The following PALM variants were observed in gnomAD, a reference collection of about 807,000 sequenced individuals.
The protein encoded by PALM is paralemmin.
A neutral mutation model predicts 30.7 loss-of-function variants in PALM; 18 were observed. The observed-to-expected ratio is 0.59, with a 90% confidence interval of 0.41 to 0.87. The LOEUF (loss-of-function observed/expected upper bound fraction) is 0.87, where lower values mean the gene tolerates loss of function less well. Ranked by LOEUF, PALM falls within the 40% of genes least tolerant of loss-of-function variation. The pLI is 0.00. For synonymous variants in PALM, 286 were observed against 242.8 expected (o/e 1.18, Z -1.66); for missense variants, 529 against 555.4 (o/e 0.95, Z 0.48).
intron 7 of PALM, among the ~76,000 whole-genome samples, chr19:739,239 C>T (rs1318622070): frequency 1.3e-5 from 2 of 151,846 alleles, no homozygotes; most frequent in African/African-American, 2.4e-5. Context: ...TAGATGACGG[C>T]GTGTCCAACC....
Position 719,539 on chromosome 19 carries a change from ACCCAGCACCTGCCCCGGGACC to A in PALM, c.6-6584_6-6564del, listed in dbSNP as rs904827364. 59 of 985,220 alleles carry A rather than the reference ACCCAGCACCTGCCCCGGGACC, an allele frequency of 6.0e-5. 1 individual carries two copies. The African/African-American group carries it at 8.4e-4, about 14-fold the overall frequency. 61.0% of individuals were successfully genotyped at this position (985,220 alleles called of 1,614,324 possible). ...TGCCGGGAGCCAGGGAGGCTCGGAGACCCAGCACCTGCCCCGGGACCCCCAGCACCTGCCCTGGGACCCCCA... is the reference window on the plus strand; with the variant it reads ...TGCCGGGAGCCAGGGAGGCTCGGAGACCCAGCACCTGCCCTGGGACCCCCA... On this transcript the variant is annotated intron_variant, in intron 1 of 8. Transcript: ENST00000338448.
intron 1 of PALM, among the ~76,000 whole-genome samples, chr19:712,182 C>T (rs187828373): frequency 6.6e-6 from 1 of 152,012 alleles, no homozygotes; most frequent in East Asian, 1.9e-4. Context: ...GCCACCACGC[C>T]CGGCTAATTT....
At position 746,398 on chromosome 19, in the gene PALM, A is replaced by T. The variant is rs948769807; in HGVS notation, c.748A>T (p.Thr250Ser). 8 of 1,612,650 alleles carry T rather than the reference A, an allele frequency of 5.0e-6. No individual in the cohort carries two copies. In the African/African-American group the frequency reaches 9.3e-5, roughly 19 times the overall value. ...GGTCACGCTGAGCGAGGCAGGGTCC[A>T]CGGCCGGGGCGGCAGAGACCCGGGG... is the stretch of plus-strand genomic sequence containing the variant. ...DEVTLSEAGS[T>S]AGAAETRGAV... Residue 250 changes from threonine (T) to serine (S), a missense_variant, in exon 9 of 9, where the codon ACG becomes TCG. Transcript: ENST00000338448. This position sits in a 1 kb window ranked among gnomAD's most constrained non-coding sequence, Gnocchi z 7.1.
intron 7 of PALM, 21 bp downstream of exon 7, chr19:736,099 TG>T: frequency 6.8e-7 from 1 of 1,479,656 alleles, no homozygotes; most frequent in East Asian, 2.9e-5. Context: ...CCCCAGGCTC[TG>T]GGCCCCAGAT....
rs943704974 is a variant in PALM, at chr19:746,157, C to G, written c.635-128C>G. On this transcript the variant is annotated intron_variant, in intron 8 of 8. Coordinates refer to ENST00000338448, the MANE Select transcript of PALM (RefSeq NM_002579.3). This position sits in a 1 kb window ranked among gnomAD's most constrained non-coding sequence, Gnocchi z 7.1. ...TCAGTTCTGACGGTGTAATCTAGTTCGTGATTTCCTCTTTAGCCTGGAGGA... is the reference window on the plus strand; with the variant it reads ...TCAGTTCTGACGGTGTAATCTAGTTGGTGATTTCCTCTTTAGCCTGGAGGA... 15 of 674,832 alleles carry G rather than the reference C, an allele frequency of 2.2e-5. No homozygotes were observed. The highest frequency in any genetic ancestry group is 3.6e-5 in the Non-Finnish European group (14 of 391,084). 41.8% of individuals were successfully genotyped at this position (674,832 alleles called of 1,614,324 possible). A position where few individuals can be genotyped will look rare whatever the true frequency, so the allele number is the denominator to read the frequency against.
At chr19:729,698 C>T (rs2032810828) in intron 4 of PALM, among the ~76,000 whole-genome samples, 2 of 151,888 alleles carry the variant, frequency 1.3e-5, no homozygotes, top group South Asian at 4.2e-4. Flanking sequence ...CCAACCTCAG[C>T]TGATCCGCCC....
intron 4 of PALM, among the ~76,000 whole-genome samples, chr19:728,113 G>A (rs2032749819): frequency 6.6e-6 from 1 of 152,198 alleles, no homozygotes. Context: ...CAGCTGGCGG[G>A]CAAGCGCTCC....
chr19:744,991 C>G (rs930061980), intron 8 of PALM, among the ~76,000 whole-genome samples: 1 of 151,450 alleles, frequency 6.6e-6, no homozygotes, highest in Non-Finnish European at 1.5e-5. Context: ...ACCAGACTGG[C>G]CAACGTGGTG....
chr19:738,793 G>A (rs62131305), intron 7 of PALM, among the ~76,000 whole-genome samples: 16,839 of 152,182 alleles, frequency 0.11, 1,095 homozygotes, highest in East Asian at 0.21. Flanking sequence ...GGAGGGAAAC[G>A]AGGTGGCTAT....
chr19:720,223 C>G lies in PALM; in HGVS notation c.6-5915C>G, dbSNP rs868488352. On this transcript the variant is annotated intron_variant, in intron 1 of 8. Transcript: ENST00000338448. ...GCCGGCCCCACCCCCGCGCGCCGGG[C>G]CTCGGCGTTGCCATGGGGACGGCGC... Among the ~76,000 whole-genome samples the G allele has an allele frequency of 5.2e-3, 788 of 152,040 alleles. 10 individuals are homozygous for G. The highest frequency in any genetic ancestry group is 0.018 in the African/African-American group (755 of 41,528).
chr19:727,118 G>A (rs1373585081), intron 3 of PALM, 30 bp downstream of exon 3: 2 of 1,451,236 alleles, frequency 1.4e-6, no homozygotes, highest in African/African-American at 2.8e-5. Context: ...CCAGGGTCAG[G>A]GAGTGCAGGC....
At chr19:731,055 G>T (rs10405821) in intron 4 of PALM, 40 bp from the exon 5 acceptor site, 10 of 1,408,778 alleles carry the variant, frequency 7.1e-6, no homozygotes, top group East Asian at 4.9e-5. Flanking sequence ...GCCCCACCGG[G>T]GATGCAGGAG....
At chr19:739,921 C>G (rs1022207253) in intron 7 of PALM, among the ~76,000 whole-genome samples, 1 of 152,146 alleles carries the variant, frequency 6.6e-6, no homozygotes, top group Non-Finnish European at 1.5e-5. Flanking sequence ...CCAGATCACA[C>G]CACTGTGCTC....
chr19:710,947 C>T (rs2032057915), intron 1 of PALM, among the ~76,000 whole-genome samples: 1 of 152,220 alleles, frequency 6.6e-6, no homozygotes, highest in Middle Eastern at 3.2e-3. Context: ...TTCTCCCCGG[C>T]GGGCTTCAGG....
At chr19:710,847 G>T (rs114029141) in intron 1 of PALM, among the ~76,000 whole-genome samples, 15,320 of 152,258 alleles carry the variant, frequency 0.1, 870 homozygotes, top group Non-Finnish European at 0.13. Flanking sequence ...CGCCATTCGA[G>T]GACGACTCTC....
At chr19:745,888 G>A (rs1277805353) in intron 8 of PALM, among the ~76,000 whole-genome samples, 1 of 151,560 alleles carries the variant, frequency 6.6e-6, no homozygotes, top group African/African-American at 2.4e-5. Context: ...GAGAAACCCC[G>A]TCTCTACTAA....
chr19:722,381 TTTA>T (rs1441538581), intron 1 of PALM: 3 of 151,926 alleles, frequency 2.0e-5, no homozygotes, highest in African/African-American at 7.3e-5. Flanking sequence ...CACCTGGCTT[TTTA>T]TTTATTTAGT....
intron 4 of PALM, among the ~76,000 whole-genome samples, chr19:728,530 G>T (rs1203597482): frequency 6.6e-6 from 1 of 152,180 alleles, no homozygotes; most frequent in African/African-American, 2.4e-5. Flanking sequence ...TGGACAGGCC[G>T]GGTGCGGTGG....
chr19:726,944 T>A (rs1029590740), intron 2 of PALM, 64 bp from the exon 3 acceptor site: 25 of 861,708 alleles, frequency 2.9e-5, no homozygotes, highest in Non-Finnish European at 3.8e-5. Flanking sequence ...GAGCCTTGTG[T>A]GGGGGTGGGG....
Sources: allele counts gnomAD v4.1 joint callset (sites outside exome capture counted in the v4.1 genomes callset), GRCh38; gene constraint gnomAD v4.1.1; non-coding constraint Gnocchi (gnomAD v3.1); transcripts MANE v1.5; gene names NCBI Gene and HGNC (gene_info 2026-07-23, HGNC 2026-07-21).